Variants in PTPN14 observed in about 807,000 individuals in gnomAD.
PTPN14 encodes the protein tyrosine-protein phosphatase non-receptor type 14.
PTPN14 carries 53 observed loss-of-function variants against 126.8 expected under a neutral mutation model. The ratio of observed to expected loss-of-function variants is 0.42; its 90% CI spans 0.34 to 0.53. The LOEUF (loss-of-function observed/expected upper bound fraction) is 0.53. PTPN14 is among the 20% of genes least tolerant of loss of function. The pLI is 0.08. For synonymous variants in PTPN14, 630 were observed against 599.3 expected (o/e 1.05, Z -0.75); for missense variants, 1,257 against 1,552.9 (o/e 0.81, Z 3.20).
intron 1 of PTPN14, among the ~76,000 whole-genome samples, chr1:214,475,878 A>C (rs61819637): frequency 0.091 from 13,797 of 152,252 alleles, 638 homozygotes; most frequent in South Asian, 0.12. Flanking sequence ...CTCCATCTGA[A>C]CCCATGTTCT....
intron 17 of PTPN14, among the ~76,000 whole-genome samples, chr1:214,365,425 T>C (rs1212579894): frequency 6.6e-6 from 1 of 152,118 alleles, no homozygotes; most frequent in African/African-American, 2.4e-5. Flanking sequence ...TTAATGACTT[T>C]TTCACAACCA....
At chr1:214,457,056 G>A (rs923300398) in intron 2 of PTPN14, among the ~76,000 whole-genome samples, 1 of 152,148 alleles carries the variant, frequency 6.6e-6, no homozygotes, top group Non-Finnish European at 1.5e-5. Context: ...ATTATTAATT[G>A]CCAAAAGATT....
chr1:214,514,201 C>A (rs1224307082), intron 1 of PTPN14, among the ~76,000 whole-genome samples: 3 of 152,194 alleles, frequency 2.0e-5, no homozygotes, highest in African/African-American at 7.2e-5. Context: ...CCTCAGGGGG[C>A]AAAATTAACA....
At chr1:214,448,061 T>C (rs1249792503) in intron 3 of PTPN14, among the ~76,000 whole-genome samples, 1 of 152,226 alleles carries the variant, frequency 6.6e-6, no homozygotes, top group East Asian at 1.9e-4. Context: ...CCTCCCTCTT[T>C]GAAATTTAAA....
At chr1:214,500,234 T>C (rs78980330) in intron 1 of PTPN14, among the ~76,000 whole-genome samples, 2,451 of 152,168 alleles carry the variant, frequency 0.016, 55 homozygotes, top group African/African-American at 0.054. Flanking sequence ...TTTGTGGCAA[T>C]TGTCAAAGAC....
intron 1 of PTPN14, among the ~76,000 whole-genome samples, chr1:214,475,767 T>C (rs536083093): frequency 7.7e-6 from 1 of 130,292 alleles, no homozygotes; most frequent in East Asian, 2.1e-4. Flanking sequence ...TCTCTTACTA[T>C]ATCACCCCAT....
chr1:214,514,193 T>A (rs1655045437), intron 1 of PTPN14, among the ~76,000 whole-genome samples: 1 of 152,034 alleles, frequency 6.6e-6, no homozygotes, highest in African/African-American at 2.4e-5. Flanking sequence ...ACATATAACC[T>A]CAGGGGGCAA....
In PTPN14 at chr1:214,364,691, C is replaced by T. The variant is rs1057513801; in HGVS notation, c.3272-16G>A. 1.2e-6 allele frequency: 2 copies of T among 1,603,216 alleles called. No individual in the cohort carries two copies. The highest frequency in any genetic ancestry group is 1.7e-6 in the Non-Finnish European group (2 of 1,174,706). On this transcript the variant is annotated splice_polypyrimidine_tract_variant and intron_variant, in intron 17 of 18. Coordinates refer to ENST00000366956, the MANE Select transcript of PTPN14 (RefSeq NM_005401.5). The surrounding 1 kb of genome is among the most constrained non-coding windows in gnomAD (Gnocchi z 4.1). ...TCCAAGTAGGCTGCAGGACAAAATG[C>T]AAATTCTGTCACCAAAGTCCTCCAT...
In PTPN14 at chr1:214,464,825, C is replaced by T. The variant is rs377345250; in HGVS notation, c.-22G>A. 1.4e-5 allele frequency: 22 copies of T among 1,610,854 alleles called. No individual in the cohort carries two copies. Among genetic ancestry groups the T allele is most frequent in the Middle Eastern group, 1.7e-4 (1 of 6,044 alleles). On this transcript the variant is annotated 5_prime_UTR_variant, in exon 2 of 19. Coordinates refer to ENST00000366956, the MANE Select transcript of PTPN14 (RefSeq NM_005401.5). ...GCATGGCTATGTGGTCCTCGGACGC[C>T]GCCCGCCTATCCTGGCGCACACGCC...
chr1:214,484,744 T>C (rs1184332317), intron 1 of PTPN14, among the ~76,000 whole-genome samples: 3 of 152,116 alleles, frequency 2.0e-5, no homozygotes, highest in East Asian at 1.9e-4. Context: ...GACTTGAAAA[T>C]AGGAGACTTG....
intron 1 of PTPN14, among the ~76,000 whole-genome samples, chr1:214,521,509 T>C (rs149360149): frequency 0.03 from 4,546 of 152,292 alleles, 103 homozygotes; most frequent in Non-Finnish European, 0.047. Flanking sequence ...GGTCAGGAGT[T>C]TGAAACCAGC....
rs567554471 is a variant in PTPN14 at position 214,507,898 on chromosome 1, T to C, written c.-154-42941A>G. 3.7e-4 allele frequency among the ~76,000 whole-genome samples: 56 copies of C among 152,298 alleles called. 1 individual carries two copies. In the South Asian group the frequency reaches 0.011, roughly 30 times the overall value. On this transcript the variant is annotated intron_variant, in intron 1 of 18. Transcript: ENST00000366956. ...CAGGAGGCTGAGGCGGAAGGATCCA[T>C]TGAGCCCAGAAGTTCCAGGCTGCAG...
chr1:214,431,704 T>A (rs1397443212), intron 3 of PTPN14, among the ~76,000 whole-genome samples: 1 of 152,184 alleles, frequency 6.6e-6, no homozygotes, highest in African/African-American at 2.4e-5. Flanking sequence ...TGTCATGTAC[T>A]CAAACTGTGC....
chr1:214,421,963 G>A (rs35226076), intron 3 of PTPN14, among the ~76,000 whole-genome samples: 7,319 of 152,162 alleles, frequency 0.048, 211 homozygotes, highest in South Asian at 0.085. Flanking sequence ...CTCCTGCACT[G>A]GCACCAGCGC....
chr1:214,391,917 C>A (rs946005280), intron 10 of PTPN14, among the ~76,000 whole-genome samples: 3 of 152,046 alleles, frequency 2.0e-5, no homozygotes, highest in Admixed American at 6.5e-5. Flanking sequence ...TATATACCGC[C>A]GCCTAATTTT....
chr1:214,548,523 C>T (rs1656027412), intron 1 of PTPN14, among the ~76,000 whole-genome samples: 1 of 152,184 alleles, frequency 6.6e-6, no homozygotes, highest in African/African-American at 2.4e-5. Context: ...TAACAAAGCT[C>T]ACAGCACTGT....
At chr1:214,404,792 T>G (rs1303894329) in intron 5 of PTPN14, among the ~76,000 whole-genome samples, 1 of 152,228 alleles carries the variant, frequency 6.6e-6, no homozygotes, top group Non-Finnish European at 1.5e-5. Flanking sequence ...TTTTCTCTGC[T>G]GAAGAAATGC....
chr1:214,417,128 T>C (rs1659444467), intron 3 of PTPN14, among the ~76,000 whole-genome samples: 1 of 152,174 alleles, frequency 6.6e-6, no homozygotes, highest in African/African-American at 2.4e-5. Context: ...TTAATATTTT[T>C]CATATTCAAA....
chr1:214,460,828 T>C (rs2102647020), intron 2 of PTPN14, among the ~76,000 whole-genome samples: 1 of 152,294 alleles, frequency 6.6e-6, no homozygotes, highest in South Asian at 2.1e-4. Flanking sequence ...AGCATGACTG[T>C]TTGCTGACAA....
Sources: allele counts gnomAD v4.1 joint callset (sites outside exome capture counted in the v4.1 genomes callset), GRCh38; gene constraint gnomAD v4.1.1; non-coding constraint Gnocchi (gnomAD v3.1); transcripts MANE v1.5; gene names NCBI Gene and HGNC (gene_info 2026-07-23, HGNC 2026-07-21).